Variants in GSR observed in about 807,000 individuals in gnomAD.
GSR encodes the protein glutathione reductase, mitochondrial.
In GSR, 48 loss-of-function variants were observed where a neutral mutation model predicts 56.5. The ratio of observed to expected loss-of-function variants is 0.85; its 90% CI spans 0.67 to 1.08. The LOEUF is 1.08. Among genes scored for constraint, GSR ranks in the 50% least tolerant of loss-of-function variants. The pLI is 0.00. For missense variants in GSR, 694 were observed against 703.3 expected (o/e 0.99, Z 0.15); for synonymous variants, 264 against 270.8 (o/e 0.97, Z 0.25).
chr8:30,714,852 C>T (rs1456708986), intron 1 of GSR, among the ~76,000 whole-genome samples: 7 of 152,138 alleles, frequency 4.6e-5, no homozygotes, highest in Non-Finnish European at 7.3e-5. Context: ...TTTTGGAAAA[C>T]AGTTTAATGA....
At chr8:30,699,999 G>T in intron 6 of GSR, 82 bp downstream of exon 6, 1 of 958,630 alleles carries the variant, frequency 1.0e-6, no homozygotes, top group Non-Finnish European at 1.7e-6. Context: ...TACATTAAAT[G>T]CTTGGGAGGA....
rs560109509 is a variant in GSR at position 30,691,321 on chromosome 8, C to T, written c.882+1648G>A. On this transcript the variant is annotated intron_variant, in intron 8 of 12. Transcript: ENST00000221130. ...AGTGAGCTGTGACTGTGCCACTGCA[C>T]TCCAGCCTGGGTGACAGAGCAAGAC... is the stretch of plus-strand genomic sequence containing the variant. Among the ~76,000 whole-genome samples, 236 of 152,162 alleles carry T rather than the reference C, an allele frequency of 1.6e-3. 4 individuals are homozygous for T. Among genetic ancestry groups the T allele is most frequent in the South Asian group, 0.011 (54 of 4,822 alleles).
At chr8:30,684,332 C>A in intron 9 of GSR, 133 bp from the exon 10 acceptor site, 1 of 735,784 alleles carries the variant, frequency 1.4e-6, no homozygotes, top group Admixed American at 1.9e-5. Flanking sequence ...TGAGACTCAG[C>A]TGCAACACGA....
At chr8:30,692,813 T>A (rs1803432711) in intron 8 of GSR, among the ~76,000 whole-genome samples, 156 bp downstream of exon 8, 1 of 151,858 alleles carries the variant, frequency 6.6e-6, no homozygotes, top group South Asian at 2.1e-4. Context: ...AAATACAGCT[T>A]CTTAGGAGGA....
At chr8:30,721,981 A>C (rs993938552) in intron 1 of GSR, among the ~76,000 whole-genome samples, 1 of 150,556 alleles carries the variant, frequency 6.6e-6, no homozygotes, top group Non-Finnish European at 1.5e-5. Flanking sequence ...GTACCACTAC[A>C]TTCCAGCCTG....
chr8:30,711,721 T>C (rs1416194879), intron 2 of GSR, among the ~76,000 whole-genome samples: 1 of 152,012 alleles, frequency 6.6e-6, no homozygotes, highest in Admixed American at 6.6e-5. Flanking sequence ...TCATCCCAGC[T>C]ACTTGGGAGG....
chr8:30,692,181 G>GC (rs71206278), intron 8 of GSR, among the ~76,000 whole-genome samples: 1 of 129,852 alleles, frequency 7.7e-6, no homozygotes, highest in African/African-American at 2.8e-5. Context: ...CTTCAAGGCT[G>GC]AATGTAAAAT....
At chr8:30,680,381 G>GTTTTGTT (rs1480095900) in intron 12 of GSR, among the ~76,000 whole-genome samples, 14 of 33,378 alleles carry the variant, frequency 4.2e-4, no homozygotes, top group East Asian at 1.5e-3. Flanking sequence ...GGCCTCTCCT[G>GTTTTGTT]TTTTTTTTTT....
intron 6 of GSR, among the ~76,000 whole-genome samples, chr8:30,699,326 T>C (rs2128743214): frequency 1.3e-5 from 2 of 151,880 alleles, no homozygotes; most frequent in African/African-American, 4.8e-5. Flanking sequence ...AAAGAAAATC[T>C]GGCCAGGTGT....
intron 9 of GSR, among the ~76,000 whole-genome samples, chr8:30,685,985 CAAAAAAAAAAAA>C (rs71206274): frequency 0.025 from 933 of 37,280 alleles, 33 homozygotes; most frequent in Admixed American, 0.19. Flanking sequence ...GACTCTGCCT[CAAAAAAAAAAAA>C]AAAAAAAAAA....
chr8:30,700,723 CAAAAAAAA>C (rs55702917), intron 5 of GSR, among the ~76,000 whole-genome samples: 17,691 of 80,268 alleles, frequency 0.22, 2,035 homozygotes, highest in South Asian at 0.43. Flanking sequence ...ATTTTGTCTC[CAAAAAAAA>C]AAAAAAAAAA....
intron 4 of GSR, chr8:30,704,525 G>C (rs1271967047): frequency 6.6e-6 from 1 of 152,184 alleles, no homozygotes; most frequent in Non-Finnish European, 1.5e-5. Flanking sequence ...TGAGAACTCA[G>C]ACTCTTACTT....
chr8:30,724,666 A>G (rs1804665335), intron 1 of GSR, among the ~76,000 whole-genome samples: 1 of 144,542 alleles, frequency 6.9e-6, no homozygotes, highest in African/African-American at 2.6e-5. Context: ...CTCATGCCTC[A>G]GCCTCCCAAG....
chr8:30,688,021 A>G (rs932545098), intron 9 of GSR, among the ~76,000 whole-genome samples: 1 of 152,202 alleles, frequency 6.6e-6, no homozygotes, highest in Non-Finnish European at 1.5e-5. Context: ...CCAAACCCCA[A>G]GCTCCCATTC....
chr8:30,686,544 A>G (rs1196402794), intron 9 of GSR, among the ~76,000 whole-genome samples: 3 of 152,052 alleles, frequency 2.0e-5, no homozygotes, highest in African/African-American at 7.2e-5. Context: ...AAAATTAGCC[A>G]GGTGTGGTGG....
At chr8:30,724,544 CTTTTTTTTTT>C (rs56145808) in intron 1 of GSR, among the ~76,000 whole-genome samples, 8 of 84,626 alleles carry the variant, frequency 9.5e-5, no homozygotes, top group South Asian at 4.8e-4. Flanking sequence ...AACCCCCCAC[CTTTTTTTTTT>C]TTTTTTTTTT....
At position 30,692,952 on chromosome 8, in the gene GSR, T is replaced by C. The variant is rs368508654; in HGVS notation, c.882+17A>G. The C allele has an allele frequency of 3.8e-6, 6 of 1,558,548 alleles. No homozygotes were observed. The highest frequency in any genetic ancestry group is 5.3e-6 in the Non-Finnish European group (6 of 1,131,206). ...ATTGACTGGGGGCCGCGTGCATGCCTGGGCTTGGCACTGTACCTGGGAGAA... is the reference window on the plus strand; with the variant it reads ...ATTGACTGGGGGCCGCGTGCATGCCCGGGCTTGGCACTGTACCTGGGAGAA... On this transcript the variant is annotated intron_variant, in intron 8 of 12. Coordinates refer to ENST00000221130, the MANE Select transcript of GSR (RefSeq NM_000637.5).
chr8:30,724,965 G>C (rs540000222), intron 1 of GSR, among the ~76,000 whole-genome samples: 1 of 152,268 alleles, frequency 6.6e-6, no homozygotes, highest in East Asian at 1.9e-4. Flanking sequence ...GTCTGTTTGG[G>C]AACAAAAGGA....
chr8:30,700,882 A>G (rs1256473690), intron 5 of GSR, among the ~76,000 whole-genome samples: 5 of 152,146 alleles, frequency 3.3e-5, no homozygotes, highest in Non-Finnish European at 7.3e-5. Flanking sequence ...AAACCTTTGG[A>G]TATAGGATAG....
Sources: allele counts gnomAD v4.1 joint callset (sites outside exome capture counted in the v4.1 genomes callset), GRCh38; gene constraint gnomAD v4.1.1; transcripts MANE v1.5; gene names NCBI Gene and HGNC (gene_info 2026-07-23, HGNC 2026-07-21).